The following APIP variants were observed in gnomAD, a reference collection of about 807,000 sequenced individuals.
APIP encodes the protein methylthioribulose-1-phosphate dehydratase.
A neutral mutation model predicts 32.0 loss-of-function variants in APIP; 32 were observed. The observed-to-expected ratio is 1.00, with a 90% CI of 0.76 to 1.34. The LOEUF (loss-of-function observed/expected upper bound fraction) is 1.34. Among genes scored for constraint, APIP ranks in the 40% most tolerant of loss-of-function variants. APIP has a pLI of 0.00. For synonymous variants in APIP, 92 were observed against 94.8 expected (o/e 0.97, Z 0.17); for missense variants, 247 against 298.6 (o/e 0.83, Z 1.27).
intron 1 of APIP, among the ~76,000 whole-genome samples, chr11:34,910,751 C>A (rs1449989169): frequency 1.3e-5 from 2 of 151,748 alleles, no homozygotes; most frequent in African/African-American, 4.8e-5. Flanking sequence ...TTATAACAAC[C>A]CTATTGTACT....
intron 1 of APIP, among the ~76,000 whole-genome samples, chr11:34,901,511 A>G (rs2133916913): frequency 6.6e-6 from 1 of 152,194 alleles, no homozygotes; most frequent in African/African-American, 2.4e-5. Flanking sequence ...TGGATACTGG[A>G]GCCAGTCTCT....
At chr11:34,895,141 G>T in intron 1 of APIP, 31 bp from the exon 2 acceptor site, 1 of 1,568,790 alleles carries the variant, frequency 6.4e-7, no homozygotes, top group Non-Finnish European at 8.8e-7. Flanking sequence ...TTTTAAAACA[G>T]ACATCATTTT....
At chr11:34,900,429 C>T (rs1853355306) in intron 1 of APIP, among the ~76,000 whole-genome samples, 1 of 152,066 alleles carries the variant, frequency 6.6e-6, no homozygotes. Flanking sequence ...GGGAATGGTG[C>T]CATGAGGGTT....
At chr11:34,901,883 T>A (rs1335150556) in intron 1 of APIP, among the ~76,000 whole-genome samples, 2 of 152,076 alleles carry the variant, frequency 1.3e-5, no homozygotes, top group African/African-American at 2.4e-5. Context: ...AGAGACAGTA[T>A]CCCCTGAGCC....
At chr11:34,909,563 TGA>T (rs1460777146) in intron 1 of APIP, among the ~76,000 whole-genome samples, 1 of 152,086 alleles carries the variant, frequency 6.6e-6, no homozygotes, top group Non-Finnish European at 1.5e-5. Context: ...GGTTTTGTGT[TGA>T]GAGAGGCAAG....
At chr11:34,914,923 G>A (rs1239040531) in intron 1 of APIP, among the ~76,000 whole-genome samples, 2 of 143,030 alleles carry the variant, frequency 1.4e-5, no homozygotes, top group African/African-American at 5.2e-5. Context: ...AAAATCGCTT[G>A]AACCAAGGAG....
chr11:34,888,486 GAA>G (rs551754743), intron 4 of APIP, 58 bp from the exon 5 acceptor site: 2 of 1,570,980 alleles, frequency 1.3e-6, no homozygotes, highest in Admixed American at 4.2e-5. Context: ...AGCTTTTAAA[GAA>G]AAAAAGTCCA....
intron 5 of APIP, among the ~76,000 whole-genome samples, chr11:34,887,430 G>T (rs371776348): frequency 3.9e-5 from 6 of 152,242 alleles, no homozygotes; most frequent in African/African-American, 1.4e-4. Flanking sequence ...TTTGTAAACA[G>T]GTGTTTCACA....
chr11:34,887,720 C>T (rs187814840), intron 5 of APIP, among the ~76,000 whole-genome samples: 2 of 151,928 alleles, frequency 1.3e-5, no homozygotes, highest in South Asian at 2.1e-4. Flanking sequence ...TTCTTCCTGC[C>T]GTTATATTCT....
intron 1 of APIP, among the ~76,000 whole-genome samples, chr11:34,902,382 T>G (rs1363192710): frequency 6.6e-6 from 1 of 152,184 alleles, no homozygotes; most frequent in Non-Finnish European, 1.5e-5. Context: ...AGGAAGCTTC[T>G]CAGGAAGGCA....
chr11:34,885,920 T>C (rs551398736), intron 5 of APIP, among the ~76,000 whole-genome samples: 2 of 152,336 alleles, frequency 1.3e-5, no homozygotes, highest in South Asian at 4.1e-4. Flanking sequence ...TCTGTGGTGA[T>C]GCTGGTGTAA....
chr11:34,883,552 T>C lies in APIP; in HGVS notation c.462-48A>G, dbSNP rs377688607. The C allele has an allele frequency of 1.1e-5, 18 of 1,581,300 alleles. No homozygotes were observed. The African/African-American group carries it at 1.6e-4, about 14-fold the overall frequency. ...TTTTTCCATTAAAACAAATCAAGCA[T>C]TGATATGTATACAACATGTAATTTT... is the stretch of plus-strand genomic sequence containing the variant. On this transcript the variant is annotated intron_variant, in intron 5 of 6. Transcript: ENST00000395787.
intron 3 of APIP, among the ~76,000 whole-genome samples, chr11:34,889,667 A>G (rs1252606454): frequency 1.3e-5 from 2 of 151,924 alleles, no homozygotes; most frequent in African/African-American, 4.8e-5. Flanking sequence ...CCCAGTGTGT[A>G]TTGCTCCCTT....
At chr11:34,884,806 C>T (rs1436038605) in intron 5 of APIP, among the ~76,000 whole-genome samples, 3 of 151,696 alleles carry the variant, frequency 2.0e-5, no homozygotes, top group Non-Finnish European at 4.4e-5. Context: ...GCCGAGAGAA[C>T]CATAAACATA....
At chr11:34,908,517 C>A (rs1470571094) in intron 1 of APIP, among the ~76,000 whole-genome samples, 2 of 152,224 alleles carry the variant, frequency 1.3e-5, no homozygotes, top group Non-Finnish European at 2.9e-5. Context: ...CTTCTACCTT[C>A]ACCACACTTA....
chr11:34,888,722 T>C, intron 4 of APIP, 30 bp downstream of exon 4: 2 of 1,447,704 alleles, frequency 1.4e-6, no homozygotes, highest in Non-Finnish European at 1.9e-6. Flanking sequence ...TCTGCAAATA[T>C]TCTTTATGTT....
At chr11:34,889,198 T>C (rs1853143295) in intron 3 of APIP, among the ~76,000 whole-genome samples, 1 of 151,926 alleles carries the variant, frequency 6.6e-6, no homozygotes, top group Admixed American at 6.6e-5. Context: ...ATATGGAAAA[T>C]TACTATTTAT....
At chr11:34,883,111 C>T (rs1852995462) in intron 6 of APIP, among the ~76,000 whole-genome samples, 1 of 152,100 alleles carries the variant, frequency 6.6e-6, no homozygotes, top group Non-Finnish European at 1.5e-5. Flanking sequence ...TGAAATAGAA[C>T]TTTTGTAACT....
At chr11:34,885,353 G>A (rs1384754764) in intron 5 of APIP, among the ~76,000 whole-genome samples, 1 of 151,426 alleles carries the variant, frequency 6.6e-6, no homozygotes, top group Non-Finnish European at 1.5e-5. Context: ...CCACAGATAT[G>A]ATGGTGGTCC....
Sources: gnomAD v4.1 joint callset for allele counts (sites outside exome capture counted in the v4.1 genomes callset) on GRCh38, gnomAD v4.1.1 for gene constraint, MANE v1.5 for transcripts, NCBI Gene and HGNC (gene_info 2026-07-23, HGNC 2026-07-21) for gene names.